The following NOS1 variants were observed in gnomAD, a reference collection of about 807,000 sequenced individuals.
NOS1 encodes the protein nitric oxide synthase 1, also known as NOS type I.
NOS1 carries 51 observed loss-of-function variants against 164.5 expected under a neutral mutation model. The ratio of observed to expected loss-of-function variants is 0.31; its 90% CI spans 0.25 to 0.39. The LOEUF is 0.39. Among genes scored for constraint, NOS1 ranks in the 10% least tolerant of loss-of-function variants. The pLI is 1.00. For synonymous variants in NOS1, 719 were observed against 745.8 expected, an observed-to-expected ratio of 0.96 and a Z score of 0.59; for missense variants, 1,362 against 1,885.6, an observed-to-expected ratio of 0.72 and a Z score of 5.14.
chr12:117,252,414 G>T (rs1871169842), intron 17 of NOS1, among the ~76,000 whole-genome samples: 1 of 152,180 alleles, frequency 6.6e-6, no homozygotes, highest in African/African-American at 2.4e-5. Flanking sequence ...GCCAGCTCCT[G>T]CCATGATAGA....
At chr12:117,283,869 A>AAG (rs1412339929) in intron 7 of NOS1, among the ~76,000 whole-genome samples, 1 of 150,938 alleles carries the variant, frequency 6.6e-6, no homozygotes, top group African/African-American at 2.4e-5. Flanking sequence ...AAAAAAAAAA[A>AAG]AAAAAAAAAG....
At position 117,213,227 on chromosome 12, in the gene NOS1, C is replaced by T. The variant is rs529129655; in HGVS notation, c.*2082G>A. 8.1e-6 allele frequency: 8 copies of T among 985,388 alleles called. No individual in the cohort carries two copies. In the East Asian group the frequency reaches 6.8e-4, roughly 84 times the overall value. The allele number at this position is 985,388 out of a possible 1,614,324, so 61.0% of individuals were successfully genotyped here. On this transcript the variant is annotated 3_prime_UTR_variant, in exon 29 of 29. Coordinates refer to ENST00000317775, the MANE Select transcript of NOS1 (RefSeq NM_000620.5). Reference sequence around the variant, plus strand: ...GGGGATTGGACACAACAGTTTCCTTCCCTGGGGAATTGGGGAGGCGTCTCC... The same window carrying T: ...GGGGATTGGACACAACAGTTTCCTTTCCTGGGGAATTGGGGAGGCGTCTCC...
At chr12:117,324,184 C>T (rs970100013) in intron 2 of NOS1, among the ~76,000 whole-genome samples, 3 of 152,156 alleles carry the variant, frequency 2.0e-5, no homozygotes, top group Admixed American at 1.3e-4. Context: ...CTCTGAGCCT[C>T]GCCCTCATCT....
chr12:117,286,457 T>C (rs981680360), intron 5 of NOS1, among the ~76,000 whole-genome samples, 191 bp from the exon 6 acceptor site: 1 of 152,224 alleles, frequency 6.6e-6, no homozygotes, highest in Non-Finnish European at 1.5e-5. Context: ...AGGCTGAACA[T>C]TGTAGATATA....
intron 5 of NOS1, 121 bp downstream of exon 5, chr12:117,287,953 A>T: frequency 2.8e-6 from 3 of 1,059,280 alleles, no homozygotes; most frequent in Non-Finnish European, 4.2e-6. Context: ...AGCCAGTCTT[A>T]AGCCTCTGTG....
chr12:117,208,904 G>A lies in NOS1; in HGVS notation c.*6405C>T. 1 of 633,522 alleles carries A rather than the reference G, an allele frequency of 1.6e-6. No individual in the cohort carries two copies. The highest frequency in any genetic ancestry group is 2.0e-6 in the Non-Finnish European group (1 of 508,196). The allele number at this position is 633,522 out of a possible 1,614,324, so 39.2% of individuals were successfully genotyped here. ...CGCCGGGCTGATTTTTGTATTTTTA[G>A]TAGAGACGAGGTTTTGCCATGTTAG... On this transcript the variant is annotated 3_prime_UTR_variant, in exon 29 of 29. Coordinates refer to ENST00000317775, the MANE Select transcript of NOS1 (RefSeq NM_000620.5).
chr12:117,253,715 A>G lies in NOS1; in HGVS notation c.2571T>C (p.Ser857=). 1.2e-6 allele frequency: 2 copies of G among 1,614,084 alleles called. No individual in the cohort carries two copies. Among genetic ancestry groups the G allele is most frequent in the South Asian group, 1.1e-5 (1 of 91,062 alleles). ...CATCGCCTGATGATTTTTGGGAGTC[A>G]GAGTAGGAGGAGACGCTGTTGAATC... is the stretch of plus-strand genomic sequence containing the variant. ...KVRFNSVSSY[S]DSQKSSGDGP... is the part of the protein sequence containing the mutation. The change falls in exon 17 of 29, where the codon TCT becomes TCC. Residue 857 remains serine, a synonymous_variant. Transcript: ENST00000317775.
rs775978271 is a variant in NOS1, at chr12:117,340,871, C to CTTTTTTTTTTT, written c.-420-9383_-420-9382insAAAAAAAAAAA. Among the ~76,000 whole-genome samples, 36 of 96,422 alleles carry CTTTTTTTTTTT rather than the reference C, an allele frequency of 3.7e-4. 1 individual carries two copies. The highest frequency in any genetic ancestry group is 6.5e-4 in the Admixed American group (6 of 9,238). 63.3% of individuals were successfully genotyped at this position (96,422 alleles called of 152,430 possible). A position where few individuals can be genotyped will look rare whatever the true frequency, so the allele number is the denominator to read the frequency against. On this transcript the variant is annotated intron_variant, in intron 1 of 28. Coordinates refer to ENST00000317775, the MANE Select transcript of NOS1 (RefSeq NM_000620.5). ...CCTGAGTAGCTGATATCACACCTGG[C>CTTTTTTTTTTT]TATTTTTTTTTTTTTTTTTTTTTTT...
intron 3 of NOS1, among the ~76,000 whole-genome samples, chr12:117,305,463 CAA>C (rs34249731): frequency 1.7e-4 from 20 of 120,388 alleles, no homozygotes; most frequent in Non-Finnish European, 2.2e-4. Context: ...GACTCCATCT[CAA>C]AAAAAAAAAA....
intron 2 of NOS1, among the ~76,000 whole-genome samples, chr12:117,312,601 T>G (rs1232118358): frequency 6.6e-6 from 1 of 151,824 alleles, no homozygotes; most frequent in East Asian, 1.9e-4. Context: ...TTTTTTATTT[T>G]CTGTACAGAT....
intron 1 of NOS1, among the ~76,000 whole-genome samples, chr12:117,337,825 T>C (rs1875910806): frequency 6.6e-6 from 1 of 152,080 alleles, no homozygotes; most frequent in Non-Finnish European, 1.5e-5. Flanking sequence ...AGGGCTGTCA[T>C]CCCAGCACAT....
Position 117,210,735 on chromosome 12 carries a change from G to A in NOS1, c.*4574C>T. The A allele has an allele frequency of 1.0e-6, 1 of 985,378 alleles. No individual in the cohort carries two copies. Among genetic ancestry groups the A allele is most frequent in the Non-Finnish European group, 1.2e-6 (1 of 829,954 alleles). The allele number at this position is 985,378 out of a possible 1,614,324, so 61.0% of individuals were successfully genotyped here. A position where few individuals can be genotyped will look rare whatever the true frequency, so the allele number is the denominator to read the frequency against. ...AGTCCAGAGCAGGCAGCTGCTGAAAGCGTGTTTGGTCAGAAGATTCTGTGT... is the reference window on the plus strand; with the variant it reads ...AGTCCAGAGCAGGCAGCTGCTGAAAACGTGTTTGGTCAGAAGATTCTGTGT... On this transcript the variant is annotated 3_prime_UTR_variant, in exon 29 of 29. Coordinates refer to ENST00000317775, the MANE Select transcript of NOS1 (RefSeq NM_000620.5).
At chr12:117,275,441 AC>A (rs1454467647) in intron 9 of NOS1, among the ~76,000 whole-genome samples, 2 of 151,434 alleles carry the variant, frequency 1.3e-5, no homozygotes, top group South Asian at 2.1e-4. Flanking sequence ...GGTAGAAGCT[AC>A]AAAAAAAGTT....
At chr12:117,253,430 A>G (rs763610537) in intron 17 of NOS1, among the ~76,000 whole-genome samples, 8 of 152,130 alleles carry the variant, frequency 5.3e-5, no homozygotes, top group Non-Finnish European at 1.2e-4. Context: ...AAAAGAAGTC[A>G]CAGAAAGGAT....
intron 1 of NOS1, among the ~76,000 whole-genome samples, chr12:117,347,550 C>G (rs1401903281): frequency 1.3e-5 from 2 of 152,116 alleles, no homozygotes; most frequent in Admixed American, 6.6e-5. Context: ...TCACTATAGG[C>G]CTTTGACTGT....
chr12:117,268,294 G>GCACA, intron 10 of NOS1, 150 bp from the exon 11 acceptor site: 18 of 621,062 alleles, frequency 2.9e-5, no homozygotes, highest in Non-Finnish European at 4.6e-5. Flanking sequence ...GCAGTGGTGT[G>GCACA]ATCTTGGCTC....
intron 1 of NOS1, among the ~76,000 whole-genome samples, chr12:117,351,891 C>G (rs1876635368): frequency 6.6e-6 from 1 of 152,178 alleles, no homozygotes; most frequent in Non-Finnish European, 1.5e-5. Context: ...CTAAAGTGTT[C>G]AAGAACCTGC....
intron 1 of NOS1, among the ~76,000 whole-genome samples, chr12:117,350,217 T>C (rs1483283681): frequency 6.6e-6 from 1 of 152,222 alleles, no homozygotes; most frequent in African/African-American, 2.4e-5. Context: ...TTGAAATCTA[T>C]GAACCTTTTG....
intron 1 of NOS1, among the ~76,000 whole-genome samples, chr12:117,353,303 C>T (rs1034522298): frequency 6.6e-6 from 1 of 152,128 alleles, no homozygotes; most frequent in Non-Finnish European, 1.5e-5. Context: ...ATCTGTCTAT[C>T]TATCATCTAT....
Sources: allele counts gnomAD v4.1 joint callset (sites outside exome capture counted in the v4.1 genomes callset), GRCh38; gene constraint gnomAD v4.1.1; transcripts MANE v1.5; gene names NCBI Gene and HGNC (gene_info 2026-07-23, HGNC 2026-07-21).